The following SIPA1L3 variants were observed in gnomAD, a reference collection of about 807,000 sequenced individuals.
The protein encoded by SIPA1L3 is signal-induced proliferation-associated 1-like protein 3.
In SIPA1L3, 59 loss-of-function variants were observed where a neutral mutation model predicts 150.1. That is an observed-to-expected ratio of 0.39 (90% CI 0.32 to 0.49). SIPA1L3 has a LOEUF of 0.49. Ranked by LOEUF, SIPA1L3 falls within the 20% of genes least tolerant of loss-of-function variation. The pLI is 0.86. For missense variants in SIPA1L3, 2,211 were observed against 2,489.5 expected (o/e 0.89, Z 2.38); for synonymous variants, 1,070 against 1,077.6 (o/e 0.99, Z 0.14).
chr19:38,113,369 T>TATA (rs1173037410), intron 8 of SIPA1L3, among the ~76,000 whole-genome samples: 2 of 152,150 alleles, frequency 1.3e-5, no homozygotes, highest in East Asian at 3.9e-4. Flanking sequence ...GGCTCACGCC[T>TATA]ATAATCCCAG....
intron 2 of SIPA1L3, among the ~76,000 whole-genome samples, chr19:38,055,966 A>G (rs1416339272): frequency 1.3e-5 from 2 of 152,236 alleles, no homozygotes; most frequent in Admixed American, 1.3e-4. Flanking sequence ...ATTGACTGCC[A>G]GAGCCCAAAC....
At chr19:38,066,627 A>T (rs1599991640) in intron 2 of SIPA1L3, among the ~76,000 whole-genome samples, 1 of 151,884 alleles carries the variant, frequency 6.6e-6, no homozygotes, top group South Asian at 2.1e-4. Flanking sequence ...GGAGTTCTAG[A>T]CCAGCCTGGC....
chr19:38,102,846 C>T (rs948283793), intron 6 of SIPA1L3, among the ~76,000 whole-genome samples: 3 of 151,796 alleles, frequency 2.0e-5, no homozygotes, highest in African/African-American at 7.3e-5. Flanking sequence ...ATAAATAGGC[C>T]GGGCATGGTG....
At chr19:37,981,776 G>A (rs190576539) in intron 1 of SIPA1L3, among the ~76,000 whole-genome samples, 5 of 152,106 alleles carry the variant, frequency 3.3e-5, no homozygotes, top group African/African-American at 9.7e-5. Flanking sequence ...GAGTTGCTCC[G>A]TGAGTATTTA....
At chr19:38,005,960 A>G (rs1440700244) in intron 1 of SIPA1L3, among the ~76,000 whole-genome samples, 1 of 152,212 alleles carries the variant, frequency 6.6e-6, no homozygotes, top group African/African-American at 2.4e-5. Flanking sequence ...AGGGGGGAAG[A>G]TTGCTTAAGC....
chr19:38,008,395 T>G (rs1418656648), intron 1 of SIPA1L3, among the ~76,000 whole-genome samples: 15 of 151,418 alleles, frequency 9.9e-5, no homozygotes, highest in Non-Finnish European at 5.9e-5. Context: ...GCCCAGCTAA[T>G]TTTTTGTATT....
intron 11 of SIPA1L3, 24 bp downstream of exon 11, chr19:38,141,459 A>G (rs893411244): frequency 3.8e-6 from 6 of 1,596,076 alleles, no homozygotes; most frequent in Non-Finnish European, 5.1e-6. Context: ...GGGGGGACCA[A>G]TACTTCCCAA....
In SIPA1L3 at chr19:38,049,619, G is replaced by A. The variant is rs1232875907; in HGVS notation, c.-311+20463G>A. Among the ~76,000 whole-genome samples, 8 of 152,230 alleles carry A rather than the reference G, an allele frequency of 5.3e-5. No individual in the cohort carries two copies. In the South Asian group the frequency reaches 1.5e-3, roughly 28 times the overall value. ...TTACCCCCAGGAGTCAGTTGCAGCC[G>A]GAGATAGGCATTCTCTCTCCCCAGG... On this transcript the variant is annotated intron_variant, in intron 2 of 21. Transcript: ENST00000222345.
rs757204097 is a variant in SIPA1L3 at position 38,081,958 on chromosome 19, T to A, written c.393T>A (p.Ala131=). 6.2e-7 allele frequency: 1 copy of A among 1,613,920 alleles called. No homozygotes were observed. Among genetic ancestry groups the A allele is most frequent in the African/African-American group, 1.3e-5 (1 of 74,908 alleles). ...QNGQPPTSTP[A]SSGSKAFHRL... ...GACAGCCCCCCACCAGCACCCCGGCTTCCTCAGGGTCCAAAGCCTTCCACC... is the reference window on the plus strand; with the variant it reads ...GACAGCCCCCCACCAGCACCCCGGCATCCTCAGGGTCCAAAGCCTTCCACC... Residue 131 remains alanine (A), a synonymous_variant, in exon 3 of 22, where the codon GCT becomes GCA. Coordinates refer to ENST00000222345, the MANE Select transcript of SIPA1L3 (RefSeq NM_015073.3).
intron 13 of SIPA1L3, among the ~76,000 whole-genome samples, chr19:38,161,497 G>A (rs1013620209): frequency 6.6e-6 from 1 of 152,124 alleles, no homozygotes. Flanking sequence ...GGCCGAGGCA[G>A]GTGGATCACG....
Position 38,138,910 on chromosome 19 carries a change from A to AAAAAAAAAAAAAAAACAAAAAC in SIPA1L3, c.3144-2269_3144-2268insAAAAAAAAAACAAAAACAAAAA, listed in dbSNP as rs1343348254. ...GAGACTCTATCTCAAAAAAAAAAAAAAAAAACTGAGTGTGGTGGCTCACGC... is the reference window on the plus strand; with the variant it reads ...GAGACTCTATCTCAAAAAAAAAAAAAAAAAAAAAAAAAAAACAAAAACAAAAACTGAGTGTGGTGGCTCACGC... On this transcript the variant is annotated intron_variant, in intron 10 of 21. Coordinates refer to ENST00000222345, the MANE Select transcript of SIPA1L3 (RefSeq NM_015073.3). Among the ~76,000 whole-genome samples, 8 of 112,784 alleles carry AAAAAAAAAAAAAAAACAAAAAC rather than the reference A, an allele frequency of 7.1e-5. 1 individual carries two copies. The highest frequency in any genetic ancestry group is 1.9e-4 in the African/African-American group (5 of 26,184). The allele number at this position is 112,784 out of a possible 152,430, so 74.0% of individuals were successfully genotyped here. A position where few individuals can be genotyped will look rare whatever the true frequency, so the allele number is the denominator to read the frequency against.
intron 1 of SIPA1L3, among the ~76,000 whole-genome samples, chr19:37,949,526 G>T (rs949530209): frequency 6.6e-6 from 1 of 152,130 alleles, no homozygotes. Context: ...TTAGCCAGGT[G>T]TGGTGGCGCA....
rs1969991814 is a variant in SIPA1L3, at chr19:38,081,865, C to A, written c.300C>A (p.Ser100Arg). The change falls in exon 3 of 22, where the codon AGC (serine) becomes AGA (arginine). Residue 100 changes from serine to arginine, a missense_variant. Physicochemically the swap from Ser to Arg is moderately radical, Grantham distance 110. This residue lies in a region of SIPA1L3 where 130 missense variants were observed against 174.5 expected (regional missense o/e 0.74). Coordinates refer to ENST00000222345, the MANE Select transcript of SIPA1L3 (RefSeq NM_015073.3). ...REALREHSNP[S>R]PSQDTDGTKA... ...CCCTGAGAGAGCACAGCAACCCAAG[C>A]CCCTCCCAGGACACAGATGGCACAA... is the stretch of plus-strand genomic sequence containing the variant. 6.2e-7 allele frequency: 1 copy of A among 1,614,102 alleles called. No homozygotes were observed. The highest frequency in any genetic ancestry group is 8.5e-7 in the Non-Finnish European group (1 of 1,179,986).
chr19:37,917,545 T>A (rs984813616), intron 1 of SIPA1L3, among the ~76,000 whole-genome samples: 2 of 152,102 alleles, frequency 1.3e-5, no homozygotes, highest in Non-Finnish European at 2.9e-5. Flanking sequence ...GATAAGGCAA[T>A]GAGAGGTCAC....
chr19:38,139,801 A>G (rs1277818891), intron 10 of SIPA1L3, among the ~76,000 whole-genome samples: 1 of 152,188 alleles, frequency 6.6e-6, no homozygotes, highest in Non-Finnish European at 1.5e-5. Context: ...CTGGCAGGAT[A>G]GGGCCTGGTC....
chr19:38,008,410 G>T (rs189546533), intron 1 of SIPA1L3, among the ~76,000 whole-genome samples: 2 of 151,442 alleles, frequency 1.3e-5, no homozygotes, highest in African/African-American at 2.4e-5. Context: ...TGTATTTTTA[G>T]TAGAGACACG....
intron 4 of SIPA1L3, among the ~76,000 whole-genome samples, chr19:38,098,614 C>CA (rs1970432933): frequency 6.6e-6 from 1 of 152,042 alleles, no homozygotes; most frequent in South Asian, 2.1e-4. Flanking sequence ...AGGCTGGTCT[C>CA]AAACTCCTGA....
At chr19:38,013,498 G>A (rs547890750) in intron 1 of SIPA1L3, among the ~76,000 whole-genome samples, 1 of 152,092 alleles carries the variant, frequency 6.6e-6, no homozygotes, top group African/African-American at 2.4e-5. Context: ...CCCTACTTAC[G>A]ATCTCCCAGT....
chr19:38,020,476 T>C (rs1968348770), intron 1 of SIPA1L3, among the ~76,000 whole-genome samples: 1 of 152,322 alleles, frequency 6.6e-6, no homozygotes, highest in African/African-American at 2.4e-5. Flanking sequence ...ACAGGCTGTT[T>C]TCATAGGCGT....
Sources: gnomAD v4.1 joint callset for allele counts (sites outside exome capture counted in the v4.1 genomes callset) on GRCh38, gnomAD v4.1.1 for gene constraint, gnomAD v4.1.1 regional missense constraint, MANE v1.5 for transcripts, NCBI Gene and HGNC (gene_info 2026-07-23, HGNC 2026-07-21) for gene names.